Variants in IGSF9B observed in about 807,000 individuals in gnomAD.
IGSF9B encodes the protein protein turtle homolog B.
IGSF9B carries 48 observed loss-of-function variants against 143.7 expected under a neutral mutation model. The ratio of observed to expected loss-of-function variants is 0.33; its 90% CI spans 0.26 to 0.42. IGSF9B has a LOEUF of 0.42. Ranked by LOEUF, IGSF9B falls within the 20% of genes least tolerant of loss-of-function variation. The pLI, the probability that IGSF9B is intolerant of heterozygous loss-of-function variation, is 1.00. For missense variants in IGSF9B, 1,706 were observed against 1,980.0 expected (o/e 0.86, Z 2.63); for synonymous variants, 903 against 833.1 (o/e 1.08, Z -1.44).
Position 133,903,125 on chromosome 11 carries a change from A to C in IGSF9B, c.*5944T>G, listed in dbSNP as rs1939165959. Among the ~76,000 whole-genome samples the C allele has an allele frequency of 2.0e-5, 3 of 151,996 alleles. No homozygotes were observed. Among genetic ancestry groups the C allele is most frequent in the East Asian group, 3.9e-4 (2 of 5,170 alleles). ...AAGTGGGGAAAGGAAAAGGGAAGGG[A>C]AGCTAACTGGTGTGTATACGGGGTG... is the stretch of plus-strand genomic sequence containing the variant. On this transcript the variant is annotated 3_prime_UTR_variant, in exon 20 of 20. Coordinates refer to ENST00000533871, the MANE Select transcript of IGSF9B (RefSeq NM_001277285.4).
At chr11:133,933,719 A>G (rs550270725) in intron 7 of IGSF9B, among the ~76,000 whole-genome samples, 100 of 151,870 alleles carry the variant, frequency 6.6e-4, no homozygotes, top group Middle Eastern at 3.4e-3. Context: ...CTGCACTCCA[A>G]CCTTGGTGAC....
At position 133,903,292 on chromosome 11, in the gene IGSF9B, T is replaced by C. The variant is rs143414382; in HGVS notation, c.*5777A>G. ...CCATTCACGTCCCCATCTAGTGTGA[T>C]GGGAATGGTGACAACCAAGGACCAG... On this transcript the variant is annotated 3_prime_UTR_variant, in exon 20 of 20. Transcript: ENST00000533871. Among the ~76,000 whole-genome samples the C allele has an allele frequency of 4.8e-4, 73 of 152,152 alleles. 1 individual carries two copies. In the East Asian group the frequency reaches 0.014, roughly 29 times the overall value.
chr11:133,931,274 G>T lies in IGSF9B; in HGVS notation c.1369-140C>A. 1 of 989,960 alleles carries T rather than the reference G, an allele frequency of 1.0e-6. No homozygotes were observed. Among genetic ancestry groups the T allele is most frequent in the Non-Finnish European group, 1.5e-6 (1 of 659,806 alleles). The allele number at this position is 989,960 out of a possible 1,614,324, so 61.3% of individuals were successfully genotyped here. ...TCCCGAGTGCCTGCCGCTCTTCAGG[G>T]TCAGCTCACTGCTCGGCATCTAGCC... On this transcript the variant is annotated intron_variant, in intron 10 of 19. Coordinates refer to ENST00000533871, the MANE Select transcript of IGSF9B (RefSeq NM_001277285.4). This position sits in a 1 kb window ranked among gnomAD's most constrained non-coding sequence, Gnocchi z 7.7.
rs955882153 is a variant in IGSF9B at position 133,902,481 on chromosome 11, AACAC to A, written c.*6584_*6587del. Among the ~76,000 whole-genome samples, 1 of 65,470 alleles carries A rather than the reference AACAC, an allele frequency of 1.5e-5. No homozygotes were observed. Among genetic ancestry groups the A allele is most frequent in the African/African-American group, 3.8e-5 (1 of 26,164 alleles). 43.0% of individuals were successfully genotyped at this position (65,470 alleles called of 152,430 possible). Reference sequence around the variant, plus strand: ...ACACACAGATACACACACCACACACAACACACACACACACCAGACATGCACACCA... The same window carrying A: ...ACACACAGATACACACACCACACACAACACACACACCAGACATGCACACCA... On this transcript the variant is annotated 3_prime_UTR_variant, in exon 20 of 20. Transcript: ENST00000533871.
intron 11 of IGSF9B, among the ~76,000 whole-genome samples, chr11:133,930,447 T>C (rs942970963): frequency 2.6e-5 from 4 of 152,150 alleles, no homozygotes; most frequent in African/African-American, 4.8e-5. Context: ...ACTGTGATTA[T>C]AGCCGTCAGG....
At chr11:133,918,591 GC>G (rs1200355791) in intron 18 of IGSF9B, among the ~76,000 whole-genome samples, 7 of 152,038 alleles carry the variant, frequency 4.6e-5, no homozygotes, top group South Asian at 2.1e-4. Context: ...TCCTCGGCCG[GC>G]CCCGGAGCAG....
intron 12 of IGSF9B, 94 bp downstream of exon 12, chr11:133,929,577 C>G: frequency 1.1e-6 from 1 of 892,506 alleles, no homozygotes; most frequent in Admixed American, 1.9e-5. Context: ...GCAGCCTCCT[C>G]CTACCTCCCC....
rs1201203741 is a variant in IGSF9B, at chr11:133,898,534, G to A, written c.*10535C>T. 1 of 154,340 alleles carries A rather than the reference G, an allele frequency of 6.5e-6. No individual in the cohort carries two copies. The highest frequency in any genetic ancestry group is 1.5e-5 in the Non-Finnish European group (1 of 68,214). The allele number at this position is 154,340 out of a possible 1,614,324, so 9.6% of individuals were successfully genotyped here. A position where few individuals can be genotyped will look rare whatever the true frequency, so the allele number is the denominator to read the frequency against. On this transcript the variant is annotated 3_prime_UTR_variant, in exon 20 of 20. Coordinates refer to ENST00000533871, the MANE Select transcript of IGSF9B (RefSeq NM_001277285.4). ...AAGGGGCAGGAGTCACTGACATGAA[G>A]CGGGATGTGGTCCCTTCACGTCAGT...
intron 12 of IGSF9B, among the ~76,000 whole-genome samples, chr11:133,929,404 A>G (rs754094786): frequency 2.6e-5 from 4 of 152,230 alleles, no homozygotes; most frequent in Non-Finnish European, 4.4e-5. Flanking sequence ...ACGCAAAACG[A>G]GGCAGCACGT....
At chr11:133,918,229 C>T (rs894355233) in intron 18 of IGSF9B, among the ~76,000 whole-genome samples, 8 of 151,948 alleles carry the variant, frequency 5.3e-5, no homozygotes, top group Non-Finnish European at 8.8e-5. Flanking sequence ...TGCCCGCCCC[C>T]GCCCGCCCAG....
At chr11:133,933,409 C>G (rs532942227) in intron 7 of IGSF9B, among the ~76,000 whole-genome samples, 1 of 152,338 alleles carries the variant, frequency 6.6e-6, no homozygotes, top group South Asian at 2.1e-4. Context: ...GCTGGTTGAC[C>G]AGCCTTCCTT....
At chr11:133,938,167 A>C in intron 3 of IGSF9B, 1 of 586,528 alleles carries the variant, frequency 1.7e-6, no homozygotes, top group South Asian at 2.0e-5. Context: ...CTGGGTCCAA[A>C]TTCTGTATTG....
chr11:133,909,402 A>G lies in IGSF9B; in HGVS notation c.4106-125T>C. 3.8e-6 allele frequency: 3 copies of G among 792,014 alleles called. No individual in the cohort carries two copies. The highest frequency in any genetic ancestry group is 6.1e-6 in the Non-Finnish European group (3 of 494,306). The allele number at this position is 792,014 out of a possible 1,614,324, so 49.1% of individuals were successfully genotyped here. Reference sequence around the variant, plus strand: ...AATGTTGAAACAAAGGAATCACCTGAGTCTAGAGAGACCAGACCGAATTGC... The same window carrying G: ...AATGTTGAAACAAAGGAATCACCTGGGTCTAGAGAGACCAGACCGAATTGC... On this transcript the variant is annotated intron_variant, in intron 19 of 19. Coordinates refer to ENST00000533871, the MANE Select transcript of IGSF9B (RefSeq NM_001277285.4). This position sits in a 1 kb window ranked among gnomAD's most constrained non-coding sequence, Gnocchi z 4.2.
chr11:133,918,040 T>C (rs1304399457), intron 18 of IGSF9B, among the ~76,000 whole-genome samples: 1 of 8,934 alleles, frequency 1.1e-4, no homozygotes, highest in Non-Finnish European at 2.0e-4. Context: ...GGGCCGGACA[T>C]GGGGACGGGG....
rs766462640 is a variant in IGSF9B, at chr11:133,900,981, G to A, written c.*8088C>T. On this transcript the variant is annotated 3_prime_UTR_variant, in exon 20 of 20. Coordinates refer to ENST00000533871, the MANE Select transcript of IGSF9B (RefSeq NM_001277285.4). ...TGCTGTGAAGCCAGGTTTTCTCTGA[G>A]GAACTGGTTACCTTTCCACAGCCAC... 6.6e-6 allele frequency: 1 copy of A among 152,232 alleles called. No individual in the cohort carries two copies. Among genetic ancestry groups the A allele is most frequent in the Non-Finnish European group, 1.5e-5 (1 of 68,056 alleles). 9.4% of individuals were successfully genotyped at this position (152,232 alleles called of 1,614,324 possible).
Position 133,948,472 on chromosome 11 carries a change from A to G in IGSF9B, c.65-2214T>C, listed in dbSNP as rs1006559539. ...ACCCAGCCCCTCAGGGAAAGCAGGGAGAGTGCCCAGCTGCAGCCTCACCTC... is the reference window on the plus strand; with the variant it reads ...ACCCAGCCCCTCAGGGAAAGCAGGGGGAGTGCCCAGCTGCAGCCTCACCTC... On this transcript the variant is annotated intron_variant, in intron 1 of 19. Transcript: ENST00000533871. The surrounding 1 kb of genome is among the most constrained non-coding windows in gnomAD (Gnocchi z 4.7). 1.2e-4 allele frequency among the ~76,000 whole-genome samples: 18 copies of G among 152,176 alleles called. No individual in the cohort carries two copies. The highest frequency in any genetic ancestry group is 4.3e-4 in the African/African-American group (18 of 41,522).
At chr11:133,914,045 C>T (rs1332529247) in intron 18 of IGSF9B, among the ~76,000 whole-genome samples, 1 of 152,196 alleles carries the variant, frequency 6.6e-6, no homozygotes. Context: ...AGGGATTCTT[C>T]AAGCCAGGTG....
intron 18 of IGSF9B, among the ~76,000 whole-genome samples, chr11:133,918,484 C>G (rs1225609562): frequency 2.0e-5 from 3 of 152,110 alleles, no homozygotes; most frequent in Non-Finnish European, 4.4e-5. Context: ...GAGCTGAGCG[C>G]GCACAAAGCA....
intron 2 of IGSF9B, among the ~76,000 whole-genome samples, chr11:133,944,931 G>A (rs926841969): frequency 6.6e-6 from 1 of 152,094 alleles, no homozygotes. Context: ...CAGTGCCAGA[G>A]AGACTATGTA....
Sources: gnomAD v4.1 joint callset for allele counts (sites outside exome capture counted in the v4.1 genomes callset) on GRCh38, gnomAD v4.1.1 for gene constraint, Gnocchi (gnomAD v3.1) non-coding constraint, MANE v1.5 for transcripts, NCBI Gene and HGNC (gene_info 2026-07-23, HGNC 2026-07-21) for gene names.